ZNF500: variants seen among roughly 807,000 people sequenced by gnomAD.
ZNF500 encodes the protein zinc finger protein 500, also known as zinc finger protein with KRAB and SCAN domains 18.
In ZNF500, 31 loss-of-function variants were observed where a neutral mutation model predicts 30.1. The observed-to-expected ratio is 1.03, with a 90% confidence interval of 0.77 to 1.39. The LOEUF is 1.39. Ranked by LOEUF, ZNF500 falls within the 40% of genes most tolerant of loss-of-function variation. The probability of loss-of-function intolerance (pLI) is 0.00; values close to 1 mark genes in which losing one functional copy is unlikely to be tolerated. For synonymous variants in ZNF500, 392 were observed against 282.0 expected (o/e 1.39, Z -3.91); for missense variants, 817 against 657.8 (o/e 1.24, Z -2.65).
chr16:4,746,648 T>C (rs766259174), downstream of ZNF500: 3 of 1,238,472 alleles, frequency 2.4e-6, 1 homozygote, highest in South Asian at 3.1e-5. Flanking sequence ...AATTGAAAAG[T>C]GCTGGCCTAC....
intron 2 of ZNF500, chr16:4,763,920 GA>G (rs1440358737): frequency 2.3e-5 from 23 of 985,330 alleles, no homozygotes; most frequent in Non-Finnish European, 2.8e-5. Flanking sequence ...GCCACAGGAA[GA>G]AAGGCAGCTG....
chr16:4,764,861 C>T (rs1034369822), intron 2 of ZNF500, among the ~76,000 whole-genome samples: 3 of 151,966 alleles, frequency 2.0e-5, no homozygotes, highest in Admixed American at 6.6e-5. Flanking sequence ...CTGGCAGCTA[C>T]TGTTTTGCAT....
chr16:4,745,889 G>A (rs749993765), downstream of ZNF500, among the ~76,000 whole-genome samples: 2 of 151,390 alleles, frequency 1.3e-5, no homozygotes, highest in Admixed American at 6.6e-5. Flanking sequence ...AGGAGGCGGA[G>A]GTTGCAGTGA....
At chr16:4,760,614 C>G (rs376523992) in intron 4 of ZNF500, 26 bp from the exon 5 acceptor site, 1 of 1,605,356 alleles carries the variant, frequency 6.2e-7, no homozygotes, top group South Asian at 1.1e-5. Context: ...CCACTCAGTC[C>G]TGGCCCCAAG....
intron 2 of ZNF500, among the ~76,000 whole-genome samples, chr16:4,764,587 C>G (rs1395951670): frequency 1.3e-5 from 2 of 151,916 alleles, no homozygotes; most frequent in South Asian, 2.1e-4. Flanking sequence ...CCAGACCACC[C>G]TGGCTAACAC....
chr16:4,752,782 G>A lies in ZNF500; in HGVS notation c.1037C>T (p.Thr346Ile). The change falls in exon 6 of 6, where the codon ACA (threonine) becomes ATA (isoleucine). Residue 346 changes from threonine to isoleucine, a missense_variant. Transcript: ENST00000219478. The stretch of plus-strand genomic sequence containing the variant: ...CTTGTAAGGCCGCTCGCCCGTGTGT[G>A]TGCGCTGGTGCTTGGTCAAGTGGGA... ...KTSHLTKHQR[T>I]HTGERPYKCL... 2.5e-6 allele frequency: 4 copies of A among 1,614,268 alleles called. No homozygotes were observed. Among genetic ancestry groups the A allele is most frequent in the Non-Finnish European group, 3.4e-6 (4 of 1,180,042 alleles).
At chr16:4,760,717 G>T (rs2082189011) in intron 4 of ZNF500, 129 bp from the exon 5 acceptor site, 3 of 742,434 alleles carry the variant, frequency 4.0e-6, no homozygotes, top group Non-Finnish European at 6.6e-6. Flanking sequence ...GGTGCAGCTG[G>T]TCTTCTCCAC....
downstream of ZNF500, chr16:4,747,438 G>A: frequency 2.5e-6 from 4 of 1,613,126 alleles, no homozygotes; most frequent in Non-Finnish European, 3.4e-6. Flanking sequence ...GGGCCCGCGG[G>A]TGGGAGGGCT....
downstream of ZNF500, chr16:4,746,439 C>T (rs1203118379): frequency 1.2e-6 from 2 of 1,613,514 alleles, no homozygotes; most frequent in African/African-American, 2.7e-5. Flanking sequence ...GGGCATGAGG[C>T]TTAACGCAGA....
At position 4,765,845 on chromosome 16, in the gene ZNF500, C is replaced by A; in HGVS notation, c.134G>T (p.Ser45Ile). The A allele has an allele frequency of 1.2e-6, 2 of 1,613,774 alleles. No individual in the cohort carries two copies. The highest frequency in any genetic ancestry group is 1.7e-6 in the Non-Finnish European group (2 of 1,180,012). ...EEPSVETEDP[S>I]PETFRQLFRL... ...GAAGAGCTGGCGGAAAGTCTCAGGGCTGGGGTCCTCCGTCTCCACGGAGGG... is the reference window on the plus strand; with the variant it reads ...GAAGAGCTGGCGGAAAGTCTCAGGGATGGGGTCCTCCGTCTCCACGGAGGG... The change falls in exon 2 of 6, where the codon AGC (serine) becomes ATC (isoleucine). Residue 45 changes from serine (S) to isoleucine (I), a missense_variant. By Grantham distance (142) the Ser-to-Ile change is moderately radical (BLOSUM62 -2). Transcript: ENST00000219478.
downstream of ZNF500, chr16:4,747,756 AC>A: frequency 8.2e-7 from 1 of 1,224,940 alleles, no homozygotes. Flanking sequence ...GGACCCTCAG[AC>A]TTTGGACTGT....
rs1191298070 is a variant in ZNF500 at position 4,752,548 on chromosome 16, A to G, written c.1271T>C (p.Phe424Ser). ...TGTGTGCGTCCGGCGGTGGGCGCTG[A>G]AGTGCGAGCTGTTGTTGAAGCGCTT... ...CGKRFNNSSH[F>S]SAHRRTHTGE... Residue 424 changes from phenylalanine to serine, a missense_variant, in exon 6 of 6, where the codon TTC becomes TCC. Coordinates refer to ENST00000219478, the MANE Select transcript of ZNF500 (RefSeq NM_021646.4). 3 of 1,570,350 alleles carry G rather than the reference A, an allele frequency of 1.9e-6. No homozygotes were observed. The highest frequency in any genetic ancestry group is 2.6e-6 in the Non-Finnish European group (3 of 1,161,852).
chr16:4,760,997 G>A (rs908782844), intron 4 of ZNF500, among the ~76,000 whole-genome samples: 5 of 152,082 alleles, frequency 3.3e-5, no homozygotes, highest in Admixed American at 6.6e-5. Flanking sequence ...AGATTGACCC[G>A]GAAGCATGAT....
chr16:4,745,099 G>T (rs1286082436), downstream of ZNF500: 3 of 1,473,114 alleles, frequency 2.0e-6, no homozygotes, highest in Admixed American at 3.7e-5. Flanking sequence ...CAAGGGCGGG[G>T]CACTCCATGT....
chr16:4,744,733 G>C (rs1306114524), downstream of ZNF500: 26 of 1,104,002 alleles, frequency 2.4e-5, no homozygotes, highest in South Asian at 4.2e-4. Flanking sequence ...TGAGTAGGGA[G>C]AGGGCTGGGC....
At position 4,765,950 on chromosome 16, in the gene ZNF500, A is replaced by G. The variant is rs1388550831; in HGVS notation, c.29T>C (p.Leu10Pro). Residue 10 changes from leucine to proline, a missense_variant, in exon 2 of 6, where the codon CTG (leucine) becomes CCG (proline). Transcript: ENST00000219478. ...TTCCAGGTCCTGCTCCAAGGTTGGC[A>G]GGGGCTGGAGGCCAGGGACAGTGGC... is the stretch of plus-strand genomic sequence containing the variant. MATVPGLQP[L>P]PTLEQDLEQE... The G allele has an allele frequency of 2.5e-6, 4 of 1,585,758 alleles. No individual in the cohort carries two copies. The highest frequency in any genetic ancestry group is 2.6e-6 in the Non-Finnish European group (3 of 1,167,756).
Position 4,751,149 on chromosome 16 carries a change from T to C in ZNF500, c.*1227A>G, listed in dbSNP as rs934648411. The C allele has an allele frequency of 1.2e-5, 2 of 162,390 alleles. No homozygotes were observed. The highest frequency in any genetic ancestry group is 2.4e-5 in the African/African-American group (1 of 41,540). 10.1% of individuals were successfully genotyped at this position (162,390 alleles called of 1,614,324 possible). ...ACGTTCCAGAACCCAGTGGTTTCCATAGCTGCCCTACGACTTCCGAGATGA... is the reference window on the plus strand; with the variant it reads ...ACGTTCCAGAACCCAGTGGTTTCCACAGCTGCCCTACGACTTCCGAGATGA... On this transcript the variant is annotated 3_prime_UTR_variant, in exon 6 of 6. Transcript: ENST00000219478.
downstream of ZNF500, chr16:4,746,525 G>A (rs201411579): frequency 1.9e-6 from 3 of 1,611,336 alleles, no homozygotes; most frequent in Non-Finnish European, 1.7e-6. Flanking sequence ...CCGGAGGGCA[G>A]TGACTACCCC....
At chr16:4,747,028 A>T, downstream of ZNF500, 1 of 1,526,186 alleles carries the variant, frequency 6.6e-7, no homozygotes. Context: ...GGGCTACGGT[A>T]ACCACCCAGG....
Sources: allele counts gnomAD v4.1 joint callset (sites outside exome capture counted in the v4.1 genomes callset), GRCh38; gene constraint gnomAD v4.1.1; transcripts MANE v1.5; gene names NCBI Gene and HGNC (gene_info 2026-07-23, HGNC 2026-07-21).